Variants in RBM23 observed in about 807,000 individuals in gnomAD.
RBM23 encodes probable RNA-binding protein 23.
RBM23 carries 53 observed loss-of-function variants against 56.2 expected under a neutral mutation model. That is an observed-to-expected ratio of 0.94 (90% confidence interval 0.76 to 1.19). RBM23 has a LOEUF of 1.19. Among genes scored for constraint, RBM23 ranks in the 50% most tolerant of loss-of-function variants. The pLI is 0.00. For synonymous variants in RBM23, 197 were observed against 198.5 expected (o/e 0.99, Z 0.06); for missense variants, 642 against 590.3 (o/e 1.09, Z -0.91).
chr14:22,913,028 A>C (rs1444604198), intron 1 of RBM23, among the ~76,000 whole-genome samples: 1 of 143,546 alleles, frequency 7.0e-6, no homozygotes, highest in East Asian at 2.0e-4. Flanking sequence ...AAAAAAAAGC[A>C]AACTAATCAC....
intron 10 of RBM23, 50 bp from the exon 11 acceptor site, chr14:22,902,432 C>A: frequency 6.3e-7 from 1 of 1,584,442 alleles, no homozygotes; most frequent in South Asian, 1.1e-5. Flanking sequence ...AAGACATGCT[C>A]TCAAAGACCC....
At position 22,896,597 on chromosome 14, in the gene RBM23, A is replaced by C. The variant is rs1488920883; in HGVS notation, c.*5133T>G. 1 of 152,148 alleles carries C rather than the reference A, an allele frequency of 6.6e-6. No homozygotes were observed. Among genetic ancestry groups the C allele is most frequent in the Non-Finnish European group, 1.5e-5 (1 of 68,026 alleles). The allele number at this position is 152,148 out of a possible 1,614,324, so 9.4% of individuals were successfully genotyped here. On this transcript the variant is annotated 3_prime_UTR_variant, in exon 14 of 14. Transcript: ENST00000359890. ...CTTCAGGCACCTCATCCATCTACCC[A>C]TTGCTCTCAAAAATAACTGCTTAAT... is the stretch of plus-strand genomic sequence containing the variant.
chr14:22,908,996 G>A (rs1252219515), intron 3 of RBM23, among the ~76,000 whole-genome samples: 1 of 151,112 alleles, frequency 6.6e-6, no homozygotes, highest in East Asian at 1.9e-4. Context: ...AGGCTGGAGT[G>A]CGATGGTGCG....
rs1422743868 is a variant in RBM23 at position 22,893,804 on chromosome 14, G to A, written c.*7926C>T. On this transcript the variant is annotated 3_prime_UTR_variant, in exon 14 of 14. Transcript: ENST00000359890. ...CTGCTTCTCAGGCCTTTATCATCTCGGTGACTCCCTGATGGATATGCTTAA... is the reference window on the plus strand; with the variant it reads ...CTGCTTCTCAGGCCTTTATCATCTCAGTGACTCCCTGATGGATATGCTTAA... The A allele has an allele frequency of 2.0e-5, 3 of 152,120 alleles. No homozygotes were observed. The highest frequency in any genetic ancestry group is 6.5e-5 in the Admixed American group (1 of 15,280). The allele number at this position is 152,120 out of a possible 1,614,324, so 9.4% of individuals were successfully genotyped here.
At chr14:22,909,401 T>C (rs2042091052) in intron 3 of RBM23, 82 bp downstream of exon 3, 1 of 1,096,700 alleles carries the variant, frequency 9.1e-7, no homozygotes, top group Non-Finnish European at 1.4e-6. Context: ...AGAAACAATC[T>C]CCCTATTCTG....
Position 22,901,356 on chromosome 14 carries a change from G to C in RBM23, c.*374C>G, listed in dbSNP as rs2040463955. 3.3e-6 allele frequency: 1 copy of C among 300,516 alleles called. No homozygotes were observed. Among genetic ancestry groups the C allele is most frequent in the South Asian group, 6.0e-5 (1 of 16,760 alleles). The allele number at this position is 300,516 out of a possible 1,614,324, so 18.6% of individuals were successfully genotyped here. A position where few individuals can be genotyped will look rare whatever the true frequency, so the allele number is the denominator to read the frequency against. ...GACAGACTAAAGGTTAAAGGTACAG[G>C]AAAAGGAGAGAGGTCAGTTCCTTCA... On this transcript the variant is annotated 3_prime_UTR_variant, in exon 14 of 14. Transcript: ENST00000359890.
intron 10 of RBM23, chr14:22,903,987 A>C: frequency 7.3e-7 from 1 of 1,377,332 alleles, no homozygotes; most frequent in Non-Finnish European, 9.4e-7. Context: ...CAGCCTGGTT[A>C]CTATTACCCA....
chr14:22,906,437 A>C, intron 4 of RBM23, 69 bp from the exon 5 acceptor site: 1 of 1,554,630 alleles, frequency 6.4e-7, no homozygotes, highest in Non-Finnish European at 8.8e-7. Context: ...CATATACAAC[A>C]GTGGTCCCAT....
In RBM23 at chr14:22,906,247, C is replaced by A. The variant is rs1346257558; in HGVS notation, c.349G>T (p.Asp117Tyr). The change falls in exon 5 of 14, where the codon GAC becomes TAC. Residue 117 changes from aspartate (D) to tyrosine (Y), a missense_variant. Coordinates refer to ENST00000359890, the MANE Select transcript of RBM23 (RefSeq NM_001077351.2). The part of the protein sequence containing the change: ...RRHGSESRSR[D>Y]HRREDRVHYR... The stretch of plus-strand genomic sequence containing the variant: ...TGCACACGATCCTCACGACGATGGT[C>A]CCGACTTCGCGACTCACTACCATGT... 2 of 1,614,132 alleles carry A rather than the reference C, an allele frequency of 1.2e-6. No homozygotes were observed. The highest frequency in any genetic ancestry group is 2.7e-5 in the African/African-American group (2 of 74,950).
chr14:22,906,609 C>G (rs1032878763), intron 4 of RBM23, among the ~76,000 whole-genome samples: 2 of 152,164 alleles, frequency 1.3e-5, no homozygotes, highest in African/African-American at 4.8e-5. Context: ...CAATTATGTA[C>G]AAAGTGAATC....
At position 22,902,360 on chromosome 14, in the gene RBM23, C is replaced by T. The variant is rs150979109; in HGVS notation, c.953G>A (p.Arg318Gln). The T allele has an allele frequency of 1.9e-5, 30 of 1,613,362 alleles. No homozygotes were observed. The highest frequency in any genetic ancestry group is 8.8e-5 in the South Asian group (8 of 91,064). ...CCCATTCAACTGTTCCAGGGCCCGC[C>T]GGGCACACTCAGAATCAGAGAACTA... ...FITFSDSECARRALEQLNGFE... is the reference protein window; with the variant it reads ...FITFSDSECAQRALEQLNGFE... The change falls in exon 11 of 14, where the codon CGG becomes CAG. Residue 318 changes from arginine to glutamine, a missense_variant. Transcript: ENST00000359890.
At position 22,901,403 on chromosome 14, in the gene RBM23, A is replaced by G; in HGVS notation, c.*327T>C. The G allele has an allele frequency of 2.1e-6, 1 of 478,658 alleles. No individual in the cohort carries two copies. Among genetic ancestry groups the G allele is most frequent in the Non-Finnish European group, 3.7e-6 (1 of 267,308 alleles). The allele number at this position is 478,658 out of a possible 1,614,324, so 29.7% of individuals were successfully genotyped here. ...TTCAGTATGCCCTATGGCCTTCCCA[A>G]TGGGGGAGAAATTGAGGAATCACTA... On this transcript the variant is annotated 3_prime_UTR_variant, in exon 14 of 14. Coordinates refer to ENST00000359890, the MANE Select transcript of RBM23 (RefSeq NM_001077351.2).
Position 22,901,621 on chromosome 14 carries a change from T to G in RBM23, c.*109A>C. ...CCAATTTCCTCAGAGACAATGTCCA[T>G]GCCCTCAGGATGGCTTGGTCCACAA... is the stretch of plus-strand genomic sequence containing the variant. On this transcript the variant is annotated 3_prime_UTR_variant, in exon 14 of 14. Transcript: ENST00000359890. The G allele has an allele frequency of 1.4e-6, 2 of 1,469,464 alleles. No individual in the cohort carries two copies. Among genetic ancestry groups the G allele is most frequent in the Non-Finnish European group, 1.9e-6 (2 of 1,053,668 alleles). 91.0% of individuals were successfully genotyped at this position (1,469,464 alleles called of 1,614,324 possible). A position where few individuals can be genotyped will look rare whatever the true frequency, so the allele number is the denominator to read the frequency against.
At chr14:22,909,199 T>G (rs2042065697) in intron 3 of RBM23, among the ~76,000 whole-genome samples, 1 of 152,172 alleles carries the variant, frequency 6.6e-6, no homozygotes, top group Admixed American at 6.5e-5. Flanking sequence ...CACCTCGGCC[T>G]CCCAAAGTGC....
At chr14:22,902,756 C>CTTT (rs59987550) in intron 10 of RBM23, 8 of 460,880 alleles carry the variant, frequency 1.7e-5, no homozygotes, top group African/African-American at 6.2e-5. Flanking sequence ...AAGTTTTAGT[C>CTTT]TTTTTTTTTT....
intron 1 of RBM23, among the ~76,000 whole-genome samples, chr14:22,914,765 C>G (rs778155114): frequency 6.6e-6 from 1 of 151,968 alleles, no homozygotes; most frequent in Non-Finnish European, 1.5e-5. Flanking sequence ...GGTGGATCAC[C>G]TGAGGTCAGG....
Position 22,904,893 on chromosome 14 carries a change from G to A in RBM23, c.846C>T (p.Ile282=), listed in dbSNP as rs2041258368. The change falls in exon 9 of 14, where the codon ATC becomes ATT. Residue 282 remains isoleucine (I), a synonymous_variant. Transcript: ENST00000359890. ...TACTCACTTTACCAAAGGGCTCAAA[G>A]ATGCCCCGGAGCATGTCTTCAGTGA... ...FNITEDMLRG[I]FEPFGKIDNI... 1 of 1,614,170 alleles carries A rather than the reference G, an allele frequency of 6.2e-7. No homozygotes were observed.
At chr14:22,905,808 G>A (rs1343320341) in intron 5 of RBM23, 149 bp from the exon 6 acceptor site, 8 of 662,930 alleles carry the variant, frequency 1.2e-5, no homozygotes, top group Non-Finnish European at 2.1e-5. Context: ...GAGTGCAGTG[G>A]CGCCATCTCG....
At chr14:22,906,671 A>T (rs1025143297) in intron 4 of RBM23, among the ~76,000 whole-genome samples, 2 of 152,262 alleles carry the variant, frequency 1.3e-5, no homozygotes, top group African/African-American at 2.4e-5. Flanking sequence ...GGATGGAAGG[A>T]TGGAAGGATG....
Sources: allele counts gnomAD v4.1 joint callset (sites outside exome capture counted in the v4.1 genomes callset), GRCh38; gene constraint gnomAD v4.1.1; transcripts MANE v1.5; gene names NCBI Gene and HGNC (gene_info 2026-07-23, HGNC 2026-07-21).